Variants in HDAC7 observed in about 807,000 individuals in gnomAD.
HDAC7 encodes histone deacetylase 7A.
In HDAC7, 26 loss-of-function variants were observed where a neutral mutation model predicts 115.5. The ratio of observed to expected loss-of-function variants is 0.23; its 90% CI spans 0.16 to 0.31. The LOEUF (loss-of-function observed/expected upper bound fraction) is 0.31, where lower values mean the gene tolerates loss of function less well. Ranked by LOEUF, HDAC7 falls within the 10% of genes least tolerant of loss-of-function variation. The probability of loss-of-function intolerance (pLI) is 1.00; values close to 1 mark genes in which losing one functional copy is unlikely to be tolerated. For missense variants in HDAC7, 1,068 were observed against 1,329.0 expected (o/e 0.80, Z 3.05); for synonymous variants, 564 against 550.9 (o/e 1.02, Z -0.33).
intron 2 of HDAC7, among the ~76,000 whole-genome samples, chr12:47,799,395 A>G (rs1323217130): frequency 6.6e-6 from 1 of 152,184 alleles, no homozygotes; most frequent in African/African-American, 2.4e-5. Flanking sequence ...GCTGCCCTCT[A>G]ATGAGTTGGG....
In HDAC7 at chr12:47,795,410, G is replaced by A. The variant is rs1183494549; in HGVS notation, c.1088-30C>T. 6.5e-7 allele frequency: 1 copy of A among 1,546,998 alleles called. No individual in the cohort carries two copies. Among genetic ancestry groups the A allele is most frequent in the East Asian group, 2.4e-5 (1 of 41,270 alleles). On this transcript the variant is annotated intron_variant, in intron 10 of 25. Transcript: ENST00000080059. This position sits in a 1 kb window ranked among gnomAD's most constrained non-coding sequence, Gnocchi z 4.3. ...AAAGAATCGGGGGGTGGAATAAGGA[G>A]GGAACCACAGGGAGCAATGGAAGGA...
At chr12:47,808,292 A>C (rs1290786863) in intron 1 of HDAC7, among the ~76,000 whole-genome samples, 1 of 152,200 alleles carries the variant, frequency 6.6e-6, no homozygotes, top group Non-Finnish European at 1.5e-5. Context: ...CCCACGCAGC[A>C]GTGGCCTGAG....
In HDAC7 at chr12:47,784,074, A is replaced by G. The variant is rs61751601; in HGVS notation, c.2930+5T>C. 26,006 of 1,612,892 alleles carry G rather than the reference A, an allele frequency of 0.016. 268 individuals are homozygous for G. The highest frequency in any genetic ancestry group is 0.04 in the Middle Eastern group (235 of 5,928). On this transcript the variant is annotated splice_donor_5th_base_variant and intron_variant, in intron 25 of 25. Coordinates refer to ENST00000080059, the MANE Select transcript of HDAC7 (RefSeq NM_015401.5). ...GTGGGCCCAGGGCCAGGGGTCTGGC[A>G]TTACCTATCTTCAGCCAGGATGCCC...
chr12:47,789,070 C>G (rs1175493959), intron 19 of HDAC7, 191 bp downstream of exon 19: 6 of 598,250 alleles, frequency 1.0e-5, no homozygotes, highest in Non-Finnish European at 1.8e-5. Flanking sequence ...GAATGCGTTC[C>G]CACACGCCAT....
At chr12:47,787,323 A>T (rs528739742) in intron 21 of HDAC7, among the ~76,000 whole-genome samples, 2 of 151,778 alleles carry the variant, frequency 1.3e-5, no homozygotes, top group Non-Finnish European at 2.9e-5. Context: ...CTCTGAGAAG[A>T]CTCCAGGAAC....
intron 1 of HDAC7, among the ~76,000 whole-genome samples, chr12:47,810,804 G>GTCTC (rs60132211): frequency 0.074 from 9,732 of 130,892 alleles, 531 homozygotes; most frequent in Admixed American, 0.15. Flanking sequence ...GGAGGAAAAG[G>GTCTC]TCTCTCTCTC....
Position 47,797,644 on chromosome 12 carries a change from A to G in HDAC7, c.462-145T>C. Reference sequence around the variant, plus strand: ...GCTGGTAGGAATGGGGACCATCTCCAGGTGGCAGCAGTGGGCCGCCTGTCC... The same window carrying G: ...GCTGGTAGGAATGGGGACCATCTCCGGGTGGCAGCAGTGGGCCGCCTGTCC... On this transcript the variant is annotated intron_variant, in intron 5 of 25. Transcript: ENST00000080059. This position sits in a 1 kb window ranked among gnomAD's most constrained non-coding sequence, Gnocchi z 5.5. 1.6e-6 allele frequency: 1 copy of G among 625,648 alleles called. No homozygotes were observed. Among genetic ancestry groups the G allele is most frequent in the Non-Finnish European group, 2.8e-6 (1 of 358,326 alleles). 38.8% of individuals were successfully genotyped at this position (625,648 alleles called of 1,614,324 possible). A position where few individuals can be genotyped will look rare whatever the true frequency, so the allele number is the denominator to read the frequency against.
chr12:47,798,178 C>G lies in HDAC7; in HGVS notation c.391G>C (p.Val131Leu). The change falls in exon 5 of 26, where the codon GTG becomes CTG. Residue 131 changes from valine to leucine, a missense_variant. By Grantham distance (32) the Val-to-Leu change is conservative. Coordinates refer to ENST00000080059, the MANE Select transcript of HDAC7 (RefSeq NM_015401.5). The surrounding 1 kb of genome is among the most constrained non-coding windows in gnomAD (Gnocchi z 4.3). ...SSVVKQKLAE[V>L]ILKKQQAALE... ...GCCGCCTGCTGTTTTTTCAGAATCACCTCCGCTAGCTTCTGCTTGACCACG... is the reference window on the plus strand; with the variant it reads ...GCCGCCTGCTGTTTTTTCAGAATCAGCTCCGCTAGCTTCTGCTTGACCACG... 6.2e-7 allele frequency: 1 copy of G among 1,613,780 alleles called. No individual in the cohort carries two copies. The highest frequency in any genetic ancestry group is 8.5e-7 in the Non-Finnish European group (1 of 1,179,938).
At chr12:47,796,412 T>TTGC in intron 7 of HDAC7, 114 bp from the exon 8 acceptor site, 1 of 637,314 alleles carries the variant, frequency 1.6e-6, no homozygotes, top group South Asian at 2.1e-5. Flanking sequence ...ACGAGCACCT[T>TTGC]TGCTTCCTGC....
intron 1 of HDAC7, among the ~76,000 whole-genome samples, chr12:47,812,559 G>A (rs573115023): frequency 6.6e-6 from 1 of 152,158 alleles, no homozygotes; most frequent in Admixed American, 6.5e-5. Flanking sequence ...TGGAGGCACA[G>A]AGCAAAATGT....
Position 47,799,698 on chromosome 12 carries a change from T to C in HDAC7, c.71-726A>G, listed in dbSNP as rs185528744. ...GGATGGCAGGCACGGCTGCCTCTTCTCAAGTGTCCTCTGCACCCACACTAG... is the reference window on the plus strand; with the variant it reads ...GGATGGCAGGCACGGCTGCCTCTTCCCAAGTGTCCTCTGCACCCACACTAG... On this transcript the variant is annotated intron_variant, in intron 2 of 25. Coordinates refer to ENST00000080059, the MANE Select transcript of HDAC7 (RefSeq NM_015401.5). 3.7e-4 allele frequency among the ~76,000 whole-genome samples: 56 copies of C among 152,304 alleles called. 1 individual carries two copies. The East Asian group carries it at 0.01, about 27-fold the overall frequency.
chr12:47,786,439 G>T, intron 22 of HDAC7, 146 bp downstream of exon 22: 1 of 633,530 alleles, frequency 1.6e-6, no homozygotes, highest in Non-Finnish European at 2.8e-6. Flanking sequence ...GGGAATTTCA[G>T]GACCAGCTGC....
chr12:47,789,963 C>A (rs1943390024), intron 16 of HDAC7, 43 bp from the exon 17 acceptor site: 1 of 1,463,966 alleles, frequency 6.8e-7, no homozygotes, highest in East Asian at 2.3e-5. Flanking sequence ...CAAGGCTTCA[C>A]ACAGGAGCCA....
Position 47,794,953 on chromosome 12 carries a change from G to A in HDAC7, c.1285-20C>T. On this transcript the variant is annotated intron_variant, in intron 11 of 25. Coordinates refer to ENST00000080059, the MANE Select transcript of HDAC7 (RefSeq NM_015401.5). ...TGACCTCTGGGGAGGGGAGAACCTG[G>A]CTGAGAAGCCATGGTGGAGCGAGGG... is the stretch of plus-strand genomic sequence containing the variant. 4 of 1,602,716 alleles carry A rather than the reference G, an allele frequency of 2.5e-6. No individual in the cohort carries two copies. In the South Asian group the frequency reaches 3.4e-5, roughly 14 times the overall value.
chr12:47,809,370 C>T (rs945065047), intron 1 of HDAC7, among the ~76,000 whole-genome samples: 4 of 152,124 alleles, frequency 2.6e-5, no homozygotes, highest in Admixed American at 6.5e-5. Context: ...CTCACCTGTG[C>T]CACCCACAAG....
In HDAC7 at chr12:47,798,688, G is replaced by A. The variant is rs1233110317; in HGVS notation, c.259-36C>T. 3 of 1,594,348 alleles carry A rather than the reference G, an allele frequency of 1.9e-6. No homozygotes were observed. Among genetic ancestry groups the A allele is most frequent in the East Asian group, 4.6e-5 (2 of 43,754 alleles). ...GGCCGGCAGCCCAGAAAGGGACAAG[G>A]AGTTGAGGACTGAGACTGGTGTCTA... On this transcript the variant is annotated intron_variant, in intron 3 of 25. Transcript: ENST00000080059. The surrounding 1 kb of genome is among the most constrained non-coding windows in gnomAD (Gnocchi z 4.3).
At chr12:47,808,570 G>C (rs918966181) in intron 1 of HDAC7, among the ~76,000 whole-genome samples, 1 of 152,110 alleles carries the variant, frequency 6.6e-6, no homozygotes, top group South Asian at 2.1e-4. Context: ...GGCACTCTCT[G>C]GAGACCCTTG....
chr12:47,791,860 C>T lies in HDAC7; in HGVS notation c.1812+11G>A, dbSNP rs758973341. 2.9e-5 allele frequency: 46 copies of T among 1,610,402 alleles called. No homozygotes were observed. Among genetic ancestry groups the T allele is most frequent in the South Asian group, 1.4e-4 (13 of 90,890 alleles). On this transcript the variant is annotated intron_variant, in intron 14 of 25. Transcript: ENST00000080059. ...CCACCCATTCCTCGGGCCCCACCCG[C>T]GCCTCCTCACCTCACACTGGCTCCG...
In HDAC7 at chr12:47,792,048, G is replaced by A. The variant is rs114350813; in HGVS notation, c.1679-44C>T. 1,508 of 1,552,466 alleles carry A rather than the reference G, an allele frequency of 9.7e-4. 8 individuals carry two copies. In the African/African-American group the frequency reaches 0.015, roughly 16 times the overall value. On this transcript the variant is annotated intron_variant, in intron 13 of 25. Transcript: ENST00000080059. ...GAGCGGGGACCCAGGGAGTCCTCAC[G>A]CCCCATGGCCTTGGCTGCAGAGAAC...
Sources: allele counts gnomAD v4.1 joint callset (sites outside exome capture counted in the v4.1 genomes callset), GRCh38; gene constraint gnomAD v4.1.1; non-coding constraint Gnocchi (gnomAD v3.1); transcripts MANE v1.5; gene names NCBI Gene and HGNC (gene_info 2026-07-23, HGNC 2026-07-21).